The following GNG4 variants were observed in gnomAD, a reference collection of about 807,000 sequenced individuals.
GNG4 encodes the protein G protein subunit gamma 4.
Under a neutral mutation model 5.8 loss-of-function variants are expected in GNG4, and 4 were observed. That is an observed-to-expected ratio of 0.69 (90% CI 0.34 to 1.57). The LOEUF is 1.57. Among genes scored for constraint, GNG4 ranks in the 40% most tolerant of loss-of-function variants. GNG4 has a pLI of 0.06. For missense variants in GNG4, 96 were observed against 95.1 expected (o/e 1.01, Z -0.04); for synonymous variants, 29 against 32.9 (o/e 0.88, Z 0.41).
intron 3 of GNG4, among the ~76,000 whole-genome samples, chr1:235,570,792 T>G (rs1687315676): frequency 6.6e-6 from 1 of 151,796 alleles, no homozygotes; most frequent in Non-Finnish European, 1.5e-5. Flanking sequence ...ACCTCCCAGG[T>G]TTAGGTGATC....
rs139678215 is a variant in GNG4, at chr1:235,560,242, T to C, written c.100-8005A>G. On this transcript the variant is annotated intron_variant, in intron 3 of 3. Transcript: ENST00000391854. ...GAAAGTGCTGTCTCCCAAAAGCATG[T>C]TCTGGAAACAATGCGAGCATGTTAG... Among the ~76,000 whole-genome samples, 177 of 152,304 alleles carry C rather than the reference T, an allele frequency of 1.2e-3. 1 individual carries two copies. The South Asian group carries it at 0.016, about 14-fold the overall frequency.
At chr1:235,650,258 A>ACGGGGGGGGT, upstream of GNG4, among the ~76,000 whole-genome samples, 1 of 19,900 alleles carries the variant, frequency 5.0e-5, no homozygotes. Flanking sequence ...GGGGTAAATC[A>ACGGGGGGGGT]CTGGGGGGGG....
At chr1:235,580,939 A>G (rs1411974177) in intron 3 of GNG4, among the ~76,000 whole-genome samples, 1 of 151,712 alleles carries the variant, frequency 6.6e-6, no homozygotes, top group African/African-American at 2.4e-5. Flanking sequence ...TTTAGTAGAG[A>G]TGGGTTTTCA....
Position 235,645,781 on chromosome 1 carries a change from G to A in GNG4, c.-123+3881C>T, listed in dbSNP as rs749369115. The stretch of plus-strand genomic sequence containing the variant: ...CATTGCTCTCCAGCCTGGGAGACAA[G>A]AGGGAAACTCAGTCTCAAAAAAAAA... On this transcript the variant is annotated intron_variant, in intron 1 of 3. Transcript: ENST00000391854. 1.5e-3 allele frequency among the ~76,000 whole-genome samples: 191 copies of A among 129,544 alleles called. 1 individual carries two copies. The highest frequency in any genetic ancestry group is 2.2e-3 in the Non-Finnish European group (142 of 63,754). 85.0% of individuals were successfully genotyped at this position (129,544 alleles called of 152,430 possible). A position where few individuals can be genotyped will look rare whatever the true frequency, so the allele number is the denominator to read the frequency against.
At chr1:235,634,982 G>C (rs1189936038) in intron 1 of GNG4, among the ~76,000 whole-genome samples, 1 of 152,150 alleles carries the variant, frequency 6.6e-6, no homozygotes, top group Admixed American at 6.5e-5. Flanking sequence ...CTTTGCTGAA[G>C]TCAGCAGCTG....
At chr1:235,595,765 C>G (rs900330782) in intron 1 of GNG4, among the ~76,000 whole-genome samples, 2 of 152,216 alleles carry the variant, frequency 1.3e-5, no homozygotes, top group Non-Finnish European at 2.9e-5. Flanking sequence ...CCAGACTGCT[C>G]CCCTGGACCC....
intron 2 of GNG4, among the ~76,000 whole-genome samples, chr1:235,587,470 GA>G (rs2102946143): frequency 4.0e-5 from 1 of 25,114 alleles, no homozygotes. Context: ...GGTGGGGGGT[GA>G]GTGTGAGAGT....
At chr1:235,628,891 C>A (rs921294877) in intron 1 of GNG4, among the ~76,000 whole-genome samples, 16 of 152,032 alleles carry the variant, frequency 1.1e-4, no homozygotes, top group Non-Finnish European at 2.4e-4. Flanking sequence ...TCTTCAGCTT[C>A]CTTTGGTTCT....
At chr1:235,586,678 T>A (rs915272593) in intron 2 of GNG4, among the ~76,000 whole-genome samples, 4 of 152,074 alleles carry the variant, frequency 2.6e-5, no homozygotes, top group African/African-American at 9.7e-5. Context: ...TGTTTAAAAG[T>A]GTGTGTCGCC....
chr1:235,580,814 A>T (rs1438628832), intron 3 of GNG4, among the ~76,000 whole-genome samples: 5 of 141,076 alleles, frequency 3.5e-5, no homozygotes, highest in African/African-American at 5.3e-5. Context: ...GCAGTGGCAC[A>T]ATCTTGGCTC....
rs140728951 is a variant in GNG4 at position 235,617,199 on chromosome 1, C to T, written c.-122-21688G>A. On this transcript the variant is annotated intron_variant, in intron 1 of 3. Transcript: ENST00000391854. ...GACCTCCGGCTGGCCAGTTTTGAAA[C>T]AGGTTCACCTCTTCTTACAGAGAAG... 8.5e-3 allele frequency among the ~76,000 whole-genome samples: 1,296 copies of T among 152,256 alleles called. 28 individuals carry two copies. The highest frequency in any genetic ancestry group is 0.028 in the African/African-American group (1,173 of 41,552).
chr1:235,554,028 C>A (rs1016429933), intron 3 of GNG4, among the ~76,000 whole-genome samples: 54 of 152,196 alleles, frequency 3.5e-4, no homozygotes, highest in African/African-American at 1.1e-3. Context: ...AGGAATTTCC[C>A]AGATGGGTGA....
At chr1:235,556,977 C>A (rs1466663131) in intron 3 of GNG4, among the ~76,000 whole-genome samples, 2 of 152,002 alleles carry the variant, frequency 1.3e-5, no homozygotes, top group Non-Finnish European at 2.9e-5. Context: ...AATGCCGCTG[C>A]TGATCTCACA....
At position 235,642,434 on chromosome 1, in the gene GNG4, A is replaced by G. The variant is rs1657359866; in HGVS notation, c.-123+7228T>C. ...CTGTGATTCCCCGACGTGGGCCTGCAGCAAGAGACGGGTGCTAACAGCGTC... is the reference window on the plus strand; with the variant it reads ...CTGTGATTCCCCGACGTGGGCCTGCGGCAAGAGACGGGTGCTAACAGCGTC... On this transcript the variant is annotated intron_variant, in intron 1 of 3. Transcript: ENST00000391854. The surrounding 1 kb of genome is among the most constrained non-coding windows in gnomAD (Gnocchi z 4.3). Among the ~76,000 whole-genome samples the G allele has an allele frequency of 6.6e-6, 1 of 152,226 alleles. No homozygotes were observed. Among genetic ancestry groups the G allele is most frequent in the Non-Finnish European group, 1.5e-5 (1 of 68,036 alleles).
At chr1:235,621,885 C>T (rs761840626) in intron 1 of GNG4, among the ~76,000 whole-genome samples, 5 of 152,114 alleles carry the variant, frequency 3.3e-5, no homozygotes, top group Admixed American at 2.6e-4. Flanking sequence ...CCATGTTGCT[C>T]AGGTTGGTCT....
chr1:235,638,523 A>G (rs2102987189), intron 1 of GNG4, among the ~76,000 whole-genome samples: 1 of 151,170 alleles, frequency 6.6e-6, no homozygotes, highest in African/African-American at 2.4e-5. Context: ...GTTCTGGGAT[A>G]CATGTGCAGA....
At chr1:235,567,592 T>C (rs1044821995) in intron 3 of GNG4, among the ~76,000 whole-genome samples, 4 of 152,220 alleles carry the variant, frequency 2.6e-5, no homozygotes, top group African/African-American at 4.8e-5. Context: ...TTATTTCTCT[T>C]AGCATAGTGT....
intron 3 of GNG4, among the ~76,000 whole-genome samples, chr1:235,582,574 C>T (rs1409585629): frequency 2.6e-5 from 4 of 152,220 alleles, no homozygotes; most frequent in Admixed American, 1.3e-4. Flanking sequence ...TTCTGGAGCA[C>T]GGGATGCCTG....
chr1:235,592,956 T>C (rs2102953331), intron 2 of GNG4, among the ~76,000 whole-genome samples: 1 of 151,878 alleles, frequency 6.6e-6, no homozygotes, highest in South Asian at 2.1e-4. Flanking sequence ...CATTTTTTTT[T>C]TTTTTTTTTG....
Sources: gnomAD v4.1 joint callset for allele counts (sites outside exome capture counted in the v4.1 genomes callset) on GRCh38, gnomAD v4.1.1 for gene constraint, Gnocchi (gnomAD v3.1) non-coding constraint, MANE v1.5 for transcripts, NCBI Gene and HGNC (gene_info 2026-07-23, HGNC 2026-07-21) for gene names.